The following CPA6 variants were observed in gnomAD, a reference collection of about 807,000 sequenced individuals.
The protein encoded by CPA6 is carboxypeptidase B.
Under a neutral mutation model 63.3 loss-of-function variants are expected in CPA6, and 58 were observed. The observed-to-expected ratio is 0.92, with a 90% CI of 0.74 to 1.14. CPA6 has a LOEUF of 1.14. CPA6 is among the 50% of genes most tolerant of loss of function. The pLI is 0.00. For synonymous variants in CPA6, 185 were observed against 179.0 expected (o/e 1.03, Z -0.27); for missense variants, 565 against 526.6 (o/e 1.07, Z -0.71).
At chr8:67,710,510 A>C (rs989820443) in intron 1 of CPA6, among the ~76,000 whole-genome samples, 4 of 148,314 alleles carry the variant, frequency 2.7e-5, no homozygotes, top group African/African-American at 7.5e-5. Context: ...TCTGTCTGCT[A>C]TCTGGCATGT....
chr8:67,475,865 T>C lies in CPA6; in HGVS notation c.838+7903A>G, dbSNP rs1230286605. Among the ~76,000 whole-genome samples the C allele has an allele frequency of 4.7e-3, 469 of 99,286 alleles. 18 individuals carry two copies. Among genetic ancestry groups the C allele is most frequent in the African/African-American group, 8.1e-3 (192 of 23,612 alleles). 65.1% of individuals were successfully genotyped at this position (99,286 alleles called of 152,430 possible). A position where few individuals can be genotyped will look rare whatever the true frequency, so the allele number is the denominator to read the frequency against. Reference sequence around the variant, plus strand: ...TTTCTTTCTTTCTTTCTTTCTTTCTTTCTTTCTTTCTTTCTCCTTTCTTTC... The same window carrying C: ...TTTCTTTCTTTCTTTCTTTCTTTCTCTCTTTCTTTCTTTCTCCTTTCTTTC... On this transcript the variant is annotated intron_variant, in intron 8 of 10. Transcript: ENST00000297770.
intron 1 of CPA6, among the ~76,000 whole-genome samples, chr8:67,695,378 G>T (rs1816894538): frequency 6.6e-6 from 1 of 152,186 alleles, no homozygotes; most frequent in African/African-American, 2.4e-5. Flanking sequence ...AGGATGACCA[G>T]CCAGCTCCCT....
At chr8:67,509,648 G>A in intron 4 of CPA6, 30 bp from the exon 5 acceptor site, 7 of 1,122,490 alleles carry the variant, frequency 6.2e-6, no homozygotes, top group Non-Finnish European at 9.2e-6. Flanking sequence ...AACTATGTTA[G>A]ACTCTCTCAA....
chr8:67,672,622 G>A (rs956050922), intron 1 of CPA6, among the ~76,000 whole-genome samples: 2 of 152,238 alleles, frequency 1.3e-5, no homozygotes, highest in East Asian at 1.9e-4. Context: ...CATAGAGCTC[G>A]GGCCCAATAT....
chr8:67,689,633 C>T (rs1253044600), intron 1 of CPA6, among the ~76,000 whole-genome samples: 1 of 152,192 alleles, frequency 6.6e-6, no homozygotes, highest in Non-Finnish European at 1.5e-5. Context: ...GCATAGTATT[C>T]CATGGTATAT....
At chr8:67,591,276 T>G (rs1192634134) in intron 2 of CPA6, among the ~76,000 whole-genome samples, 1 of 152,096 alleles carries the variant, frequency 6.6e-6, no homozygotes, top group African/African-American at 2.4e-5. Flanking sequence ...CCATGCTGTT[T>G]TGGTTACTGT....
intron 1 of CPA6, among the ~76,000 whole-genome samples, chr8:67,627,909 G>A (rs1423110994): frequency 1.3e-5 from 2 of 152,126 alleles, no homozygotes; most frequent in Admixed American, 1.3e-4. Context: ...AATGCCTTCT[G>A]AGCATGTATG....
intron 6 of CPA6, among the ~76,000 whole-genome samples, chr8:67,496,462 C>A (rs1811711814): frequency 7.1e-6 from 1 of 141,746 alleles, no homozygotes; most frequent in African/African-American, 2.7e-5. Context: ...TTATAGTGTG[C>A]AATTTACTGT....
At chr8:67,675,417 A>C (rs1816448562) in intron 1 of CPA6, among the ~76,000 whole-genome samples, 1 of 151,812 alleles carries the variant, frequency 6.6e-6, no homozygotes, top group Non-Finnish European at 1.5e-5. Context: ...CGCCCTTTTT[A>C]CTCATCCCAC....
chr8:67,447,538 CACACACACATACACA>C (rs1810456711), intron 8 of CPA6, among the ~76,000 whole-genome samples: 2 of 144,386 alleles, frequency 1.4e-5, no homozygotes, highest in African/African-American at 5.8e-5. Context: ...CACACACACA[CACACACACATACACA>C]TTTTAAATAG....
chr8:67,729,667 G>A (rs1043078538), intron 1 of CPA6, among the ~76,000 whole-genome samples: 3 of 152,208 alleles, frequency 2.0e-5, no homozygotes, highest in Non-Finnish European at 4.4e-5. Flanking sequence ...GGAAGAAAAC[G>A]GTTACTAGTT....
chr8:67,565,951 T>C (rs1053951835), intron 2 of CPA6, among the ~76,000 whole-genome samples: 2 of 152,180 alleles, frequency 1.3e-5, no homozygotes, highest in Non-Finnish European at 2.9e-5. Context: ...TCCTTTCTGT[T>C]GCCAAGACCA....
rs112239242 is a variant in CPA6 at position 67,678,858 on chromosome 8, C to G, written c.117-54607G>C. Among the ~76,000 whole-genome samples the G allele has an allele frequency of 8.3e-4, 127 of 152,124 alleles. 1 individual carries two copies. The highest frequency in any genetic ancestry group is 1.7e-3 in the Non-Finnish European group (114 of 68,026). On this transcript the variant is annotated intron_variant, in intron 1 of 10. Coordinates refer to ENST00000297770, the MANE Select transcript of CPA6 (RefSeq NM_020361.5). ...AAACTGGATATAACCCAATGTCTAC[C>G]AAGATTAGAATAGGTATATCGCGAT...
intron 2 of CPA6, among the ~76,000 whole-genome samples, chr8:67,615,210 G>T (rs535748236): frequency 6.6e-6 from 1 of 152,050 alleles, no homozygotes; most frequent in Middle Eastern, 3.2e-3. Context: ...AAAATGAAAT[G>T]GTTGAAAATA....
rs149872162 is a variant in CPA6, at chr8:67,467,731, G to A, written c.838+16037C>T. The stretch of plus-strand genomic sequence containing the variant: ...AAAACCTGTAAGGGCGACCGGGCAC[G>A]GCGGCTTATGCCTGTAATACCAGGA... On this transcript the variant is annotated intron_variant, in intron 8 of 10. Coordinates refer to ENST00000297770, the MANE Select transcript of CPA6 (RefSeq NM_020361.5). Among the ~76,000 whole-genome samples, 238 of 152,092 alleles carry A rather than the reference G, an allele frequency of 1.6e-3. 1 individual carries two copies. The highest frequency in any genetic ancestry group is 5.1e-3 in the African/African-American group (212 of 41,464).
chr8:67,496,828 G>A (rs561005012), intron 6 of CPA6, among the ~76,000 whole-genome samples: 1 of 151,862 alleles, frequency 6.6e-6, no homozygotes, highest in Non-Finnish European at 1.5e-5. Context: ...CAAAGTGCTG[G>A]GATTACAGGC....
In CPA6 at chr8:67,742,194, C is replaced by A. The variant is rs577252556; in HGVS notation, c.116+3820G>T. 1.2e-3 allele frequency among the ~76,000 whole-genome samples: 186 copies of A among 151,832 alleles called. 2 individuals are homozygous for A. The highest frequency in any genetic ancestry group is 3.4e-3 in the Middle Eastern group (1 of 294). ...GTTCTTTCTTCTTCTGTTTTCTATC[C>A]CTTATGGGCCCTGCATGCTTTTCTA... On this transcript the variant is annotated intron_variant, in intron 1 of 10. Transcript: ENST00000297770.
intron 1 of CPA6, among the ~76,000 whole-genome samples, chr8:67,733,212 A>AT (rs1817745198): frequency 1.5e-5 from 2 of 130,386 alleles, no homozygotes; most frequent in Admixed American, 7.7e-5. Context: ...AAAAAAAAAA[A>AT]AAAAAAAAAA....
chr8:67,459,515 A>T (rs1810753317), intron 8 of CPA6, among the ~76,000 whole-genome samples: 1 of 152,228 alleles, frequency 6.6e-6, no homozygotes, highest in Non-Finnish European at 1.5e-5. Flanking sequence ...AGCCAATCCA[A>T]AAAGGTTACC....
Sources: allele counts gnomAD v4.1 joint callset (sites outside exome capture counted in the v4.1 genomes callset), GRCh38; gene constraint gnomAD v4.1.1; transcripts MANE v1.5; gene names NCBI Gene and HGNC (gene_info 2026-07-23, HGNC 2026-07-21).